Variants in RAB38 observed in about 807,000 individuals in gnomAD.
The protein encoded by RAB38 is ras-related protein Rab-38.
A neutral mutation model predicts 18.4 loss-of-function variants in RAB38; 15 were observed. The ratio of observed to expected loss-of-function variants is 0.82; its 90% CI spans 0.55 to 1.26. The LOEUF (loss-of-function observed/expected upper bound fraction) is 1.26, where lower values mean the gene tolerates loss of function less well. Ranked by LOEUF, RAB38 falls within the 50% of genes most tolerant of loss-of-function variation. The pLI, the probability that RAB38 is intolerant of heterozygous loss-of-function variation, is 0.00. For synonymous variants in RAB38, 101 were observed against 104.4 expected (o/e 0.97, Z 0.20); for missense variants, 294 against 267.4 (o/e 1.10, Z -0.69).
downstream of RAB38, among the ~76,000 whole-genome samples, chr11:88,112,731 G>A (rs1469173173): frequency 2.6e-5 from 4 of 151,704 alleles, no homozygotes; most frequent in East Asian, 3.9e-4. Context: ...CTGAGATCGC[G>A]CCACTGCACT....
chr11:87,938,771 C>T, the RAB38 span, among the ~76,000 whole-genome samples: 1 of 151,416 alleles, frequency 6.6e-6, no homozygotes, highest in Non-Finnish European at 1.5e-5. Flanking sequence ...GGCAAGTATA[C>T]GTAAGGCGAA....
At chr11:88,135,862 G>C (rs1012940793) in intron 2 of RAB38, among the ~76,000 whole-genome samples, 2 of 152,134 alleles carry the variant, frequency 1.3e-5, no homozygotes, top group Non-Finnish European at 2.9e-5. Flanking sequence ...TTCATTTTGA[G>C]AACCCCAGGG....
At chr11:87,814,214 G>A in the RAB38 span, among the ~76,000 whole-genome samples, 5,825 of 152,178 alleles carry the variant, frequency 0.038, 173 homozygotes, top group Admixed American at 0.091. Flanking sequence ...ACTAAAGCTT[G>A]GTAGGGGATA....
At chr11:88,151,564 T>G (rs1943063786) in intron 1 of RAB38, among the ~76,000 whole-genome samples, 1 of 152,190 alleles carries the variant, frequency 6.6e-6, no homozygotes, top group Non-Finnish European at 1.5e-5. Flanking sequence ...TTATATAAAT[T>G]AAAATAAAGT....
the RAB38 span, among the ~76,000 whole-genome samples, chr11:87,947,174 C>T: frequency 6.6e-6 from 1 of 152,064 alleles, no homozygotes; most frequent in Non-Finnish European, 1.5e-5. Flanking sequence ...TGTTTTTTGG[C>T]TGCATAAATG....
At chr11:88,093,339 G>C in the RAB38 span, among the ~76,000 whole-genome samples, 1 of 151,840 alleles carries the variant, frequency 6.6e-6, no homozygotes, top group African/African-American at 2.4e-5. Flanking sequence ...GAAAAATGTA[G>C]ATTAATGCTT....
At chr11:88,122,943 A>T (rs1942648286) in intron 2 of RAB38, among the ~76,000 whole-genome samples, 1 of 152,222 alleles carries the variant, frequency 6.6e-6, no homozygotes, top group Non-Finnish European at 1.5e-5. Context: ...ACTTACTGTT[A>T]AACAAAGGAC....
the RAB38 span, among the ~76,000 whole-genome samples, chr11:87,864,960 T>A: frequency 4.0e-5 from 6 of 151,768 alleles, no homozygotes; most frequent in Non-Finnish European, 7.4e-5. Flanking sequence ...ACCTTATAAT[T>A]TGATTGAGTA....
the RAB38 span, among the ~76,000 whole-genome samples, chr11:88,053,215 CACACAT>C: frequency 1.9e-5 from 2 of 106,794 alleles, no homozygotes; most frequent in African/African-American, 3.8e-5. Flanking sequence ...TATATATATA[CACACAT>C]ATATATGGAA....
At chr11:87,864,790 G>C in the RAB38 span, among the ~76,000 whole-genome samples, 1 of 151,802 alleles carries the variant, frequency 6.6e-6, no homozygotes, top group African/African-American at 2.4e-5. Context: ...GTTAGACAAA[G>C]TATAAAATAT....
the RAB38 span, among the ~76,000 whole-genome samples, chr11:87,882,959 C>T: frequency 6.6e-6 from 1 of 151,856 alleles, no homozygotes; most frequent in African/African-American, 2.4e-5. Flanking sequence ...CTCTGAGTTC[C>T]AACACAGCTA....
chr11:87,847,318 T>C, the RAB38 span, among the ~76,000 whole-genome samples: 1 of 152,100 alleles, frequency 6.6e-6, no homozygotes, highest in Admixed American at 6.6e-5. Context: ...ATGTGTAGGA[T>C]TTGTTACAAT....
intron 1 of RAB38, among the ~76,000 whole-genome samples, chr11:88,170,628 T>C (rs920136342): frequency 2.6e-5 from 4 of 152,228 alleles, no homozygotes; most frequent in Non-Finnish European, 2.9e-5. Flanking sequence ...ACTTTGTCTA[T>C]GGGACAGTTA....
the RAB38 span, among the ~76,000 whole-genome samples, chr11:88,029,197 C>A: frequency 6.6e-6 from 1 of 151,830 alleles, no homozygotes; most frequent in Non-Finnish European, 1.5e-5. Context: ...TTTGTCACCA[C>A]CAGGCCTGCC....
chr11:88,117,506 G>A (rs934620396), intron 2 of RAB38, among the ~76,000 whole-genome samples: 1 of 152,194 alleles, frequency 6.6e-6, no homozygotes, highest in African/African-American at 2.4e-5. Context: ...TAACTATTTA[G>A]TGAATACCTA....
the RAB38 span, among the ~76,000 whole-genome samples, chr11:88,081,453 T>C: frequency 3.3e-5 from 5 of 152,060 alleles, no homozygotes; most frequent in South Asian, 8.3e-4. Flanking sequence ...CCAGAAGTTA[T>C]GGATGTTAAG....
chr11:87,948,880 G>C, the RAB38 span, among the ~76,000 whole-genome samples: 1 of 151,488 alleles, frequency 6.6e-6, no homozygotes, highest in South Asian at 2.1e-4. Flanking sequence ...CCCGGCTTTG[G>C]TATCAGGATG....
chr11:87,848,102 A>G, the RAB38 span, among the ~76,000 whole-genome samples: 1 of 152,160 alleles, frequency 6.6e-6, no homozygotes, highest in Non-Finnish European at 1.5e-5. Flanking sequence ...ACCTACCTCT[A>G]GTTCTAATCT....
chr11:88,073,457 A>G, the RAB38 span, among the ~76,000 whole-genome samples: 4 of 152,198 alleles, frequency 2.6e-5, no homozygotes, highest in African/African-American at 7.2e-5. Flanking sequence ...GTTGCCATCT[A>G]ATACCAAAAA....
Sources: allele counts gnomAD v4.1 joint callset (sites outside exome capture counted in the v4.1 genomes callset), GRCh38; gene constraint gnomAD v4.1.1; transcripts MANE v1.5; gene names NCBI Gene and HGNC (gene_info 2026-07-23, HGNC 2026-07-21).